MAGI2: variants seen among roughly 807,000 people sequenced by gnomAD.
The protein encoded by MAGI2 is membrane associated guanylate kinase, WW and PDZ domain containing 2, also known as membrane-associated guanylate kinase, WW and PDZ domain-containing protein 2.
MAGI2 carries 35 observed loss-of-function variants against 133.3 expected under a neutral mutation model. The ratio of observed to expected loss-of-function variants is 0.26; its 90% CI spans 0.20 to 0.35. The LOEUF (loss-of-function observed/expected upper bound fraction) is 0.35, where lower values mean the gene tolerates loss of function less well. Ranked by LOEUF, MAGI2 falls within the 10% of genes least tolerant of loss-of-function variation. The pLI is 1.00. For missense variants in MAGI2, 1,636 were observed against 1,863.4 expected (o/e 0.88, Z 2.25); for synonymous variants, 729 against 710.6 (o/e 1.03, Z -0.41).
intron 2 of MAGI2, among the ~76,000 whole-genome samples, chr7:78,781,589 C>T (rs1162098484): frequency 1.3e-5 from 2 of 152,008 alleles, no homozygotes; most frequent in Non-Finnish European, 2.9e-5. Context: ...AACAACTTCC[C>T]TCTTCAAGAT....
At chr7:78,267,565 C>T (rs1794142104) in intron 9 of MAGI2, among the ~76,000 whole-genome samples, 1 of 152,184 alleles carries the variant, frequency 6.6e-6, no homozygotes. Context: ...CCAATTAAAA[C>T]TCCCTCAAAC....
chr7:78,902,914 G>T (rs1797713880), intron 2 of MAGI2, among the ~76,000 whole-genome samples: 2 of 152,022 alleles, frequency 1.3e-5, no homozygotes, highest in Admixed American at 6.6e-5. Flanking sequence ...TTAGAGACTG[G>T]ATCCTGGAAA....
chr7:78,804,788 C>T (rs1481267531), intron 2 of MAGI2, among the ~76,000 whole-genome samples: 1 of 127,952 alleles, frequency 7.8e-6, no homozygotes, highest in Non-Finnish European at 1.7e-5. Context: ...GGCCCTTTGG[C>T]TGGGCACGGT....
chr7:78,303,193 C>T (rs766033964), intron 9 of MAGI2, among the ~76,000 whole-genome samples: 4 of 151,960 alleles, frequency 2.6e-5, no homozygotes, highest in Non-Finnish European at 5.9e-5. Flanking sequence ...GCCTGGCCAA[C>T]ATGGTGAAAC....
chr7:78,955,723 CTCTTTCTTTCTTTCTTTCTT>C lies in MAGI2; in HGVS notation c.418+51347_418+51366del, dbSNP rs1158477695. Among the ~76,000 whole-genome samples the C allele has an allele frequency of 3.0e-3, 248 of 83,480 alleles. 2 individuals are homozygous for C. The highest frequency in any genetic ancestry group is 7.2e-3 in the African/African-American group (154 of 21,406). The allele number at this position is 83,480 out of a possible 152,430, so 54.8% of individuals were successfully genotyped here. On this transcript the variant is annotated intron_variant, in intron 2 of 21. Coordinates refer to ENST00000354212, the MANE Select transcript of MAGI2 (RefSeq NM_012301.4). ...TCCCTTTCTTTCTTTTTCTTTCTTT[CTCTTTCTTTCTTTCTTTCTT>C]TCTTTCTTTCTTTCTTTCTTTCTTT...
chr7:79,105,364 C>T (rs951296312), intron 1 of MAGI2, among the ~76,000 whole-genome samples: 1 of 152,048 alleles, frequency 6.6e-6, no homozygotes, highest in Non-Finnish European at 1.5e-5. Flanking sequence ...TTATATTAAA[C>T]AGATAGAAAA....
intron 1 of MAGI2, among the ~76,000 whole-genome samples, chr7:79,024,012 ATC>A (rs1809606381): frequency 6.6e-6 from 1 of 152,160 alleles, no homozygotes; most frequent in African/African-American, 2.4e-5. Flanking sequence ...ACCAAAAAGG[ATC>A]TCCAATAGCC....
At chr7:78,661,274 T>C (rs1812929565) in intron 2 of MAGI2, among the ~76,000 whole-genome samples, 1 of 152,212 alleles carries the variant, frequency 6.6e-6, no homozygotes, top group Non-Finnish European at 1.5e-5. Flanking sequence ...ATTAATCTTG[T>C]CTATTTTTAT....
At chr7:78,137,821 C>A (rs1041266277) in intron 16 of MAGI2, among the ~76,000 whole-genome samples, 11 of 152,058 alleles carry the variant, frequency 7.2e-5, no homozygotes, top group African/African-American at 2.7e-4. Context: ...CCACATTGAG[C>A]CCTACACACA....
intron 6 of MAGI2, among the ~76,000 whole-genome samples, chr7:78,382,869 T>C (rs1795052942): frequency 6.6e-6 from 1 of 152,118 alleles, no homozygotes; most frequent in Admixed American, 6.6e-5. Flanking sequence ...TATTTGTCTT[T>C]TTGTGCTGGC....
intron 3 of MAGI2, among the ~76,000 whole-genome samples, chr7:78,524,051 G>GA (rs1283487867): frequency 8.0e-5 from 6 of 75,022 alleles, no homozygotes; most frequent in African/African-American, 3.5e-4. Flanking sequence ...TCATTTCTAG[G>GA]GAAAAAAAAA....
intron 1 of MAGI2, among the ~76,000 whole-genome samples, chr7:79,041,895 A>G (rs1237861975): frequency 6.6e-6 from 1 of 152,178 alleles, no homozygotes; most frequent in African/African-American, 2.4e-5. Context: ...TTAACATCAT[A>G]AAACTTCTAG....
Position 79,102,036 on chromosome 7 carries a change from T to C in MAGI2, c.302-94830A>G, listed in dbSNP as rs115081055. ...TACAAAAATCTATCTTAAACACAGG[T>C]ATATGACATAAATATTTTCTACAAC... On this transcript the variant is annotated intron_variant, in intron 1 of 21. Coordinates refer to ENST00000354212, the MANE Select transcript of MAGI2 (RefSeq NM_012301.4). Among the ~76,000 whole-genome samples the C allele has an allele frequency of 6.9e-3, 1,050 of 152,202 alleles. 14 individuals are homozygous for C. The highest frequency in any genetic ancestry group is 0.024 in the African/African-American group (989 of 41,538).
intron 9 of MAGI2, among the ~76,000 whole-genome samples, chr7:78,265,222 T>G (rs1793880982): frequency 6.6e-6 from 1 of 152,236 alleles, no homozygotes. Flanking sequence ...TGCATTTTAC[T>G]TTGTTGAAAA....
At chr7:79,364,404 T>C (rs1452826293) in intron 1 of MAGI2, among the ~76,000 whole-genome samples, 1 of 152,082 alleles carries the variant, frequency 6.6e-6, no homozygotes. Context: ...TTAGCTCAAA[T>C]AAGTCATTGC....
chr7:78,128,826 G>A (rs1821257998), intron 18 of MAGI2, among the ~76,000 whole-genome samples: 1 of 152,050 alleles, frequency 6.6e-6, no homozygotes, highest in South Asian at 2.1e-4. Flanking sequence ...CCTTTTATGA[G>A]GTGCATAATT....
At chr7:79,008,564 C>A (rs1807711635) in intron 1 of MAGI2, among the ~76,000 whole-genome samples, 1 of 152,012 alleles carries the variant, frequency 6.6e-6, no homozygotes, top group Non-Finnish European at 1.5e-5. Flanking sequence ...TCTATTTTTC[C>A]ACCCAATATA....
chr7:79,077,598 AATAAATAAAT>A (rs1815641190), intron 1 of MAGI2, among the ~76,000 whole-genome samples: 2 of 48,682 alleles, frequency 4.1e-5, no homozygotes, highest in Non-Finnish European at 1.0e-4. Context: ...AAAAAAAATA[AATAAATAAAT>A]AAATTCCCTT....
intron 1 of MAGI2, among the ~76,000 whole-genome samples, chr7:79,223,180 T>C (rs848818): frequency 0.82 from 124,546 of 151,988 alleles, 51,435 homozygotes; most frequent in Non-Finnish European, 0.85. Flanking sequence ...CCACTGCGCG[T>C]GGCCATATCT....
Sources: allele counts gnomAD v4.1 joint callset (sites outside exome capture counted in the v4.1 genomes callset), GRCh38; gene constraint gnomAD v4.1.1; transcripts MANE v1.5; gene names NCBI Gene and HGNC (gene_info 2026-07-23, HGNC 2026-07-21).